The following KTN1 variants were observed in gnomAD, a reference collection of about 807,000 sequenced individuals.
The protein encoded by KTN1 is kinectin.
A neutral mutation model predicts 222.5 loss-of-function variants in KTN1; 130 were observed. The observed-to-expected ratio is 0.58, with a 90% confidence interval of 0.51 to 0.68. The LOEUF (loss-of-function observed/expected upper bound fraction) is 0.68, where lower values mean the gene tolerates loss of function less well. Ranked by LOEUF, KTN1 falls within the 30% of genes least tolerant of loss-of-function variation. KTN1 has a pLI of 0.00. For missense variants in KTN1, 1,508 were observed against 1,500.4 expected (o/e 1.01, Z -0.08); for synonymous variants, 512 against 496.3 (o/e 1.03, Z -0.42).
At position 55,646,460 on chromosome 14, in the gene KTN1, T is replaced by TTTCC. The variant is rs1595073348; in HGVS notation, c.2173-511_2173-510insCCTT. ...CCTTTCCTTTTCCTTTTCCTTTTCC[T>TTTCC]TTTCCTTTCCTTTCCTTTCCTTTCC... On this transcript the variant is annotated intron_variant, in intron 18 of 43. Coordinates refer to ENST00000395314, the MANE Select transcript of KTN1 (RefSeq NM_001079521.2). Among the ~76,000 whole-genome samples the TTTCC allele has an allele frequency of 3.2e-3, 156 of 48,960 alleles. 5 individuals carry two copies. The highest frequency in any genetic ancestry group is 0.014 in the East Asian group (24 of 1,752). 32.1% of individuals were successfully genotyped at this position (48,960 alleles called of 152,430 possible).
chr14:55,683,529 G>A (rs1414196766), intron 43 of KTN1: 1 of 151,954 alleles, frequency 6.6e-6, no homozygotes, highest in African/African-American at 2.4e-5. Context: ...AATATTAAAC[G>A]TTTATTCACA....
intron 43 of KTN1, chr14:55,683,489 A>G (rs1478318574): frequency 6.6e-6 from 1 of 152,162 alleles, no homozygotes; most frequent in Non-Finnish European, 1.5e-5. Context: ...ATTACAACCA[A>G]AAAGACAAAA....
At chr14:55,652,085 G>A (rs1595118162) in intron 25 of KTN1, among the ~76,000 whole-genome samples, 158 bp downstream of exon 25, 1 of 152,102 alleles carries the variant, frequency 6.6e-6, no homozygotes, top group African/African-American at 2.4e-5. Context: ...TTTCTTATTT[G>A]GCTTTAACCT....
intron 18 of KTN1, among the ~76,000 whole-genome samples, chr14:55,645,107 A>C (rs1286024780): frequency 6.6e-6 from 1 of 152,154 alleles, no homozygotes; most frequent in Non-Finnish European, 1.5e-5. Flanking sequence ...GAGATAATGC[A>C]TTCTATTAAT....
chr14:55,638,336 T>G (rs1293729227), intron 12 of KTN1, among the ~76,000 whole-genome samples: 1 of 151,934 alleles, frequency 6.6e-6, no homozygotes, highest in Non-Finnish European at 1.5e-5. Flanking sequence ...GTAAGACCTG[T>G]TATTCTTTGA....
intron 1 of KTN1, among the ~76,000 whole-genome samples, chr14:55,592,311 C>T (rs193098576): frequency 1.8e-4 from 28 of 152,310 alleles, no homozygotes; most frequent in African/African-American, 6.5e-4. Flanking sequence ...ATTTCCACTG[C>T]TTACCATTTC....
chr14:55,580,721 G>A (rs1657925165), intron 1 of KTN1, among the ~76,000 whole-genome samples: 2 of 152,164 alleles, frequency 1.3e-5, no homozygotes, highest in Non-Finnish European at 2.9e-5. Flanking sequence ...GGGTGACCGA[G>A]GCACCTATTT....
intron 31 of KTN1, among the ~76,000 whole-genome samples, chr14:55,660,503 A>G (rs1235871823): frequency 2.6e-5 from 4 of 151,600 alleles, no homozygotes; most frequent in African/African-American, 9.7e-5. Flanking sequence ...ACATGTTAAA[A>G]TGTCAACCAC....
chr14:55,641,380 A>G (rs570434828), intron 17 of KTN1, among the ~76,000 whole-genome samples, 172 bp downstream of exon 17: 3 of 152,106 alleles, frequency 2.0e-5, no homozygotes, highest in East Asian at 3.9e-4. Flanking sequence ...TTCCCCCTAG[A>G]TTATCTGTTC....
At chr14:55,580,683 A>G (rs1269099658) in intron 1 of KTN1, among the ~76,000 whole-genome samples, 1 of 151,916 alleles carries the variant, frequency 6.6e-6, no homozygotes, top group Admixed American at 6.5e-5. Flanking sequence ...GACTCTCCCG[A>G]AGGCGAGGTC....
At chr14:55,678,141 G>T (rs372111555) in intron 41 of KTN1, among the ~76,000 whole-genome samples, 1 of 152,052 alleles carries the variant, frequency 6.6e-6, no homozygotes, top group East Asian at 1.9e-4. Context: ...AAATTTCTTT[G>T]TATAGTTTCT....
At chr14:55,622,438 C>T (rs570745497) in intron 5 of KTN1, among the ~76,000 whole-genome samples, 1 of 152,224 alleles carries the variant, frequency 6.6e-6, no homozygotes, top group South Asian at 2.1e-4. Context: ...CAGCCAACAT[C>T]TATATTCTTA....
At chr14:55,642,385 A>G (rs536084488) in intron 18 of KTN1, among the ~76,000 whole-genome samples, 2 of 152,266 alleles carry the variant, frequency 1.3e-5, no homozygotes, top group South Asian at 4.1e-4. Context: ...ATAGCAAGAC[A>G]TCAAAACTAT....
Position 55,684,213 on chromosome 14 carries a change from A to C in KTN1, c.*110A>C. ...CTTTCTACTTTGTCAGAAACACTGA[A>C]CAGAGTTTTGTCTTTTCTAATCCTT... On this transcript the variant is annotated 3_prime_UTR_variant, in exon 44 of 44. Transcript: ENST00000395314. The C allele has an allele frequency of 1.2e-6, 1 of 833,094 alleles. No homozygotes were observed. Among genetic ancestry groups the C allele is most frequent in the Non-Finnish European group, 1.9e-6 (1 of 536,914 alleles). The allele number at this position is 833,094 out of a possible 1,614,324, so 51.6% of individuals were successfully genotyped here.
chr14:55,634,992 C>T (rs530406802), intron 9 of KTN1, among the ~76,000 whole-genome samples: 3 of 152,218 alleles, frequency 2.0e-5, no homozygotes, highest in Admixed American at 2.0e-4. Flanking sequence ...GTTACCTCCA[C>T]GTGGTCTCTC....
intron 5 of KTN1, among the ~76,000 whole-genome samples, chr14:55,622,373 C>T (rs1048194204): frequency 6.6e-6 from 1 of 152,058 alleles, no homozygotes; most frequent in Non-Finnish European, 1.5e-5. Flanking sequence ...ATTTGAATGG[C>T]ATAATCACTG....
intron 1 of KTN1, among the ~76,000 whole-genome samples, chr14:55,592,609 G>T (rs2034338488): frequency 6.6e-6 from 1 of 152,178 alleles, no homozygotes; most frequent in South Asian, 2.1e-4. Flanking sequence ...ATGACTGTAT[G>T]TAGGAGTGTT....
intron 2 of KTN1, among the ~76,000 whole-genome samples, chr14:55,613,359 A>C (rs1184138948): frequency 6.6e-6 from 1 of 152,132 alleles, no homozygotes; most frequent in Non-Finnish European, 1.5e-5. Context: ...AAGGGGGTTG[A>C]TAGGTACAAT....
At position 55,580,358 on chromosome 14, in the gene KTN1, A is replaced by T. The variant is rs1438463439; in HGVS notation, c.-31+4A>T. The T allele has an allele frequency of 6.8e-6, 1 of 146,164 alleles. No individual in the cohort carries two copies. Among genetic ancestry groups the T allele is most frequent in the Non-Finnish European group, 1.5e-5 (1 of 65,860 alleles). The allele number at this position is 146,164 out of a possible 1,614,324, so 9.1% of individuals were successfully genotyped here. On this transcript the variant is annotated splice_donor_region_variant and intron_variant, in intron 1 of 43. Coordinates refer to ENST00000395314, the MANE Select transcript of KTN1 (RefSeq NM_001079521.2). ...TCTCCTTTCCCGGCCGCACAGGGTG[A>T]GGGAGAGCAGGCCGCACCGGGACGG...
Sources: allele counts gnomAD v4.1 joint callset (sites outside exome capture counted in the v4.1 genomes callset), GRCh38; gene constraint gnomAD v4.1.1; transcripts MANE v1.5; gene names NCBI Gene and HGNC (gene_info 2026-07-23, HGNC 2026-07-21).